Variants in CLCN3 observed in about 807,000 individuals in gnomAD.
The protein encoded by CLCN3 is H(+)/Cl(-) exchange transporter 3.
A neutral mutation model predicts 83.4 loss-of-function variants in CLCN3; 16 were observed. That is an observed-to-expected ratio of 0.19 (90% confidence interval 0.13 to 0.29). CLCN3 has a LOEUF of 0.29. Ranked by LOEUF, CLCN3 falls within the 10% of genes least tolerant of loss-of-function variation. CLCN3 has a pLI of 1.00. For missense variants in CLCN3, 544 were observed against 1,006.0 expected, an observed-to-expected ratio of 0.54 and a Z score of 6.21; for synonymous variants, 322 against 346.2, an observed-to-expected ratio of 0.93 and a Z score of 0.78.
chr4:169,635,827 A>T (rs1045806932), intron 1 of CLCN3, 86 bp from the exon 2 acceptor site: 2 of 1,116,576 alleles, frequency 1.8e-6, no homozygotes, highest in African/African-American at 3.2e-5. Flanking sequence ...TAGCACATAG[A>T]TCATAACTTT....
intron 2 of CLCN3, among the ~76,000 whole-genome samples, chr4:169,639,523 T>C (rs1340687768): frequency 1.3e-5 from 2 of 152,236 alleles, no homozygotes; most frequent in East Asian, 1.9e-4. Flanking sequence ...GGGAAGATAA[T>C]GCATGAAGAT....
intron 6 of CLCN3, 74 bp from the exon 7 acceptor site, chr4:169,692,040 A>C: frequency 9.9e-7 from 1 of 1,009,852 alleles, no homozygotes; most frequent in South Asian, 1.5e-5. Context: ...GCATAAAACA[A>C]GAAAATAACT....
At chr4:169,679,102 C>T (rs1196675921) in intron 2 of CLCN3, among the ~76,000 whole-genome samples, 2 of 151,578 alleles carry the variant, frequency 1.3e-5, no homozygotes, top group African/African-American at 2.4e-5. Flanking sequence ...GATGGGGCGG[C>T]TGCCGGGCGG....
chr4:169,673,268 G>A (rs887041430), intron 2 of CLCN3, among the ~76,000 whole-genome samples: 1 of 152,172 alleles, frequency 6.6e-6, no homozygotes, highest in African/African-American at 2.4e-5. Context: ...CAGAGATTTT[G>A]AATTGCTGAA....
At chr4:169,660,745 TAA>T (rs1731028098) in intron 2 of CLCN3, among the ~76,000 whole-genome samples, 1 of 152,226 alleles carries the variant, frequency 6.6e-6, no homozygotes, top group Non-Finnish European at 1.5e-5. Flanking sequence ...TACAGCCAAC[TAA>T]AGTCGTGTTG....
Position 169,621,118 on chromosome 4 carries a change from G to A in CLCN3, c.-17+55G>A, listed in dbSNP as rs544164303. 61 of 393,178 alleles carry A rather than the reference G, an allele frequency of 1.6e-4. No homozygotes were observed. In the East Asian group the frequency reaches 2.2e-3, roughly 14 times the overall value. The allele number at this position is 393,178 out of a possible 1,614,324, so 24.4% of individuals were successfully genotyped here. ...TCAGCTCTCCTGTTCACAGATTTTGGGTCAACTGTGAGGCCACAGCGCTCA... is the reference window on the plus strand; with the variant it reads ...TCAGCTCTCCTGTTCACAGATTTTGAGTCAACTGTGAGGCCACAGCGCTCA... On this transcript the variant is annotated intron_variant, in intron 1 of 12. Transcript: ENST00000513761.
At chr4:169,637,091 G>A in intron 2 of CLCN3, among the ~76,000 whole-genome samples, 1 of 151,902 alleles carries the variant, frequency 6.6e-6, no homozygotes, top group East Asian at 1.9e-4. Flanking sequence ...TCTCATTTTG[G>A]TTTCAATTTA....
chr4:169,679,338 C>T (rs560012521), intron 2 of CLCN3, among the ~76,000 whole-genome samples: 26 of 151,554 alleles, frequency 1.7e-4, no homozygotes, highest in African/African-American at 5.8e-4. Flanking sequence ...GGGATGGCGG[C>T]GGGGAAGAGG....
At chr4:169,711,507 G>A (rs549556310) in intron 11 of CLCN3, among the ~76,000 whole-genome samples, 27 of 152,234 alleles carry the variant, frequency 1.8e-4, no homozygotes, top group African/African-American at 5.5e-4. Flanking sequence ...ATGTGCCACC[G>A]TGCCAGCTAA....
intron 2 of CLCN3, among the ~76,000 whole-genome samples, chr4:169,644,700 C>CA (rs1468154321): frequency 7.2e-6 from 1 of 138,400 alleles, no homozygotes; most frequent in Non-Finnish European, 1.6e-5. Context: ...CATCCCCACA[C>CA]CCGAATTCCC....
At chr4:169,660,838 A>G (rs1266501741) in intron 2 of CLCN3, among the ~76,000 whole-genome samples, 1 of 152,206 alleles carries the variant, frequency 6.6e-6, no homozygotes, top group East Asian at 1.9e-4. Flanking sequence ...TCAGGTGCCT[A>G]TGTACCATTA....
At position 169,645,089 on chromosome 4, in the gene CLCN3, C is replaced by G. The variant is rs1730535676; in HGVS notation, c.160+9001C>G. 2.0e-5 allele frequency among the ~76,000 whole-genome samples: 3 copies of G among 152,232 alleles called. No homozygotes were observed. In the South Asian group the frequency reaches 6.2e-4, roughly 32 times the overall value. On this transcript the variant is annotated intron_variant, in intron 2 of 12. Transcript: ENST00000513761. ...CTACTAAGTTTATGGCAGTGTGTTA[C>G]GATAACAGTAGGAAACGGACACGGA...
chr4:169,712,574 A>G (rs141050001), intron 11 of CLCN3, among the ~76,000 whole-genome samples: 2,324 of 152,342 alleles, frequency 0.015, 178 homozygotes, highest in Admixed American at 0.13. Context: ...ATACTTTAAC[A>G]TGAGAAAAGA....
At position 169,713,240 on chromosome 4, in the gene CLCN3, G is replaced by A. The variant is rs1458487009; in HGVS notation, c.2311G>A (p.Val771Met). 3 of 1,614,008 alleles carry A rather than the reference G, an allele frequency of 1.9e-6. No individual in the cohort carries two copies. Among genetic ancestry groups the A allele is most frequent in the Admixed American group, 1.7e-5 (1 of 60,000 alleles). ...TVTDHTPMEI[V>M]VDIFRKLGLR... is the part of the protein sequence containing the mutation. The stretch of plus-strand genomic sequence containing the variant: ...GACAGACCACACCCCAATGGAGATC[G>A]TGGTGGATATTTTCCGAAAGCTGGG... The change falls in exon 12 of 13, where the codon GTG (valine) becomes ATG (methionine). Residue 771 changes from valine (V) to methionine (M), a missense_variant. Physicochemically the swap from Val to Met is conservative, Grantham distance 21 (BLOSUM62 1). Transcript: ENST00000513761.
At chr4:169,650,484 A>C (rs987817875) in intron 2 of CLCN3, among the ~76,000 whole-genome samples, 1 of 152,232 alleles carries the variant, frequency 6.6e-6, no homozygotes, top group African/African-American at 2.4e-5. Flanking sequence ...TGAGTAAGAC[A>C]TTTGACTCTA....
At chr4:169,703,962 A>G (rs1260515507) in intron 9 of CLCN3, 36 bp from the exon 10 acceptor site, 6 of 1,589,372 alleles carry the variant, frequency 3.8e-6, no homozygotes, top group Non-Finnish European at 5.2e-6. Context: ...TGAGTAGAGG[A>G]TCTCTGCTCC....
chr4:169,692,484 A>C (rs1348530141), intron 7 of CLCN3, among the ~76,000 whole-genome samples, 164 bp downstream of exon 7: 1 of 152,210 alleles, frequency 6.6e-6, no homozygotes, highest in African/African-American at 2.4e-5. Context: ...TCTTTCTAGA[A>C]TCCATTCCCA....
chr4:169,653,872 A>G (rs577292659), intron 2 of CLCN3, among the ~76,000 whole-genome samples: 100 of 152,160 alleles, frequency 6.6e-4, no homozygotes, highest in Middle Eastern at 3.4e-3. Flanking sequence ...CTCACTCATT[A>G]TCATGGTGAG....
intron 2 of CLCN3, chr4:169,660,339 C>A: frequency 2.9e-6 from 4 of 1,379,036 alleles, no homozygotes; most frequent in Non-Finnish European, 3.7e-6. Context: ...TTTTCTTTTT[C>A]TTTTTCTTCT....
Sources: allele counts gnomAD v4.1 joint callset (sites outside exome capture counted in the v4.1 genomes callset), GRCh38; gene constraint gnomAD v4.1.1; transcripts MANE v1.5; gene names NCBI Gene and HGNC (gene_info 2026-07-23, HGNC 2026-07-21).